The following TCF24 variants were observed in gnomAD, a reference collection of about 807,000 sequenced individuals.
TCF24 encodes the protein transcription factor 24.
A neutral mutation model predicts 9.3 loss-of-function variants in TCF24; 5 were observed. The observed-to-expected ratio is 0.54, with a 90% confidence interval of 0.28 to 1.13. TCF24 has a LOEUF of 1.13. TCF24 is among the 50% of genes most tolerant of loss of function. The probability of loss-of-function intolerance (pLI) is 0.09; values close to 1 mark genes in which losing one functional copy is unlikely to be tolerated. For synonymous variants in TCF24, 110 were observed against 115.8 expected (o/e 0.95, Z 0.32); for missense variants, 220 against 236.1 (o/e 0.93, Z 0.45).
At chr8:66,960,440 G>A (rs926573531) in intron 3 of TCF24, among the ~76,000 whole-genome samples, 6 of 151,928 alleles carry the variant, frequency 3.9e-5, no homozygotes, top group Non-Finnish European at 8.8e-5. Flanking sequence ...GTGTGTGTGC[G>A]CGCGTGTGGC....
intron 3 of TCF24, among the ~76,000 whole-genome samples, 176 bp downstream of exon 3, chr8:66,961,200 G>T (rs1814245669): frequency 6.6e-6 from 1 of 152,214 alleles, no homozygotes; most frequent in African/African-American, 2.4e-5. Context: ...GAAGGAGCCG[G>T]CTTTCGCGGC....
Position 66,961,379 on chromosome 8 carries a change from G to T in TCF24, c.387C>A (p.Val129=). The change falls in exon 3 of 4, where the codon GTC becomes GTA. Residue 129 remains valine (V), a synonymous_variant. Coordinates refer to ENST00000563496, the MANE Select transcript of TCF24 (RefSeq NM_001193502.2). ...GCGGTGCGCCCCGCCCGCTTACCTT[G>T]ACCGGGTGCAGGTAGCCATCGCCGC... is the stretch of plus-strand genomic sequence containing the variant. ...ALRGDGYLHP[V]KKWPMRSRLY... is the part of the protein sequence containing the mutation. The T allele has an allele frequency of 6.7e-7, 1 of 1,489,920 alleles. No individual in the cohort carries two copies. The highest frequency in any genetic ancestry group is 1.4e-5 in the African/African-American group (1 of 69,516). 92.3% of individuals were successfully genotyped at this position (1,489,920 alleles called of 1,614,324 possible).
Position 66,961,554 on chromosome 8 carries a change from T to C in TCF24, c.212A>G (p.Glu71Gly), listed in dbSNP as rs1439067798. Residue 71 changes from glutamate to glycine, a missense_variant, in exon 3 of 4, where the codon GAG becomes GGG. Transcript: ENST00000563496. ...CACGGACGGCAGCGTGCGCTGCAGCTCCAGGAAAGCGTGCCGCAGGGTCTG... is the reference window on the plus strand; with the variant it reads ...CACGGACGGCAGCGTGCGCTGCAGCCCCAGGAAAGCGTGCCGCAGGGTCTG... ...RVQTLRHAFL[E>G]LQRTLPSVPP... 6.7e-7 allele frequency: 1 copy of C among 1,499,874 alleles called. No homozygotes were observed. Among genetic ancestry groups the C allele is most frequent in the African/African-American group, 1.4e-5 (1 of 68,992 alleles). The allele number at this position is 1,499,874 out of a possible 1,614,324, so 92.9% of individuals were successfully genotyped here. A position where few individuals can be genotyped will look rare whatever the true frequency, so the allele number is the denominator to read the frequency against.
chr8:66,957,397 A>G (rs1295238770), intron 3 of TCF24, among the ~76,000 whole-genome samples: 1 of 142,486 alleles, frequency 7.0e-6, no homozygotes, highest in Admixed American at 7.4e-5. Flanking sequence ...AGCTTAGGCA[A>G]TAAGAGTGAA....
At chr8:66,955,250 GA>G (rs937808114) in intron 3 of TCF24, 8 of 151,996 alleles carry the variant, frequency 5.3e-5, no homozygotes, top group Non-Finnish European at 5.9e-5. Flanking sequence ...ACATAATGAT[GA>G]AAAAACATAT....
chr8:66,960,418 T>TTGTGTG (rs147053540), intron 3 of TCF24, among the ~76,000 whole-genome samples: 10 of 149,486 alleles, frequency 6.7e-5, no homozygotes, highest in African/African-American at 2.2e-4. Context: ...AACTTTGCAT[T>TTGTGTG]TGTGTGTGTG....
At chr8:66,948,654 A>AT (rs1814000876) in intron 3 of TCF24, among the ~76,000 whole-genome samples, 17 of 146,648 alleles carry the variant, frequency 1.2e-4, no homozygotes, top group African/African-American at 4.1e-4. Context: ...AAAAGTGTCA[A>AT]CTATCTATCT....
rs562482524 is a variant in TCF24, at chr8:66,961,989, TAGA to T, written c.-134-5_-134-3del. 84 of 200,150 alleles carry T rather than the reference TAGA, an allele frequency of 4.2e-4. 1 individual carries two copies. In the East Asian group the frequency reaches 0.01, roughly 24 times the overall value. 12.4% of individuals were successfully genotyped at this position (200,150 alleles called of 1,614,324 possible). A position where few individuals can be genotyped will look rare whatever the true frequency, so the allele number is the denominator to read the frequency against. Reference sequence around the variant, plus strand: ...GGAACTCCGGAGTTCTTGGGCTTCCTAGAAGGATAAGAAGAGGCGCAGTGCCGG... The same window carrying T: ...GGAACTCCGGAGTTCTTGGGCTTCCTAGGATAAGAAGAGGCGCAGTGCCGG... On this transcript the variant is annotated splice_polypyrimidine_tract_variant and splice_region_variant and intron_variant, in intron 1 of 3. Transcript: ENST00000563496.
At position 66,961,474 on chromosome 8, in the gene TCF24, T is replaced by C; in HGVS notation, c.292A>G (p.Ile98Val). The change falls in exon 3 of 4, where the codon ATC (isoleucine) becomes GTC (valine). Residue 98 changes from isoleucine (I) to valine (V), a missense_variant. Transcript: ENST00000563496. ...TGCAGGCTGCGGGTGAGATGCGCGA[T>C]GTAGGTGGTGGCCAGCAGCAGCACG... is the stretch of plus-strand genomic sequence containing the variant. ...LDVLLLATTYIAHLTRSLQDD... is the reference protein window; with the variant it reads ...LDVLLLATTYVAHLTRSLQDD... The C allele has an allele frequency of 1.3e-6, 2 of 1,527,896 alleles. No individual in the cohort carries two copies. The highest frequency in any genetic ancestry group is 1.2e-5 in the South Asian group (1 of 83,054). The allele number at this position is 1,527,896 out of a possible 1,614,324, so 94.6% of individuals were successfully genotyped here.
intron 3 of TCF24, among the ~76,000 whole-genome samples, chr8:66,952,550 G>A (rs1371104840): frequency 2.0e-5 from 3 of 151,584 alleles, no homozygotes; most frequent in Non-Finnish European, 4.4e-5. Flanking sequence ...GTGGTGTGGT[G>A]CTGAAAAAAA....
At position 66,961,519 on chromosome 8, in the gene TCF24, T is replaced by G. The variant is rs1157249986; in HGVS notation, c.247A>C (p.Thr83Pro). 6 of 1,516,888 alleles carry G rather than the reference T, an allele frequency of 4.0e-6. No homozygotes were observed. The highest frequency in any genetic ancestry group is 5.3e-6 in the Non-Finnish European group (6 of 1,139,440). 94.0% of individuals were successfully genotyped at this position (1,516,888 alleles called of 1,614,324 possible). A position where few individuals can be genotyped will look rare whatever the true frequency, so the allele number is the denominator to read the frequency against. The stretch of plus-strand genomic sequence containing the variant: ...AGCACGTCCAGCTTGGACAGCTTGG[T>G]GTCGGGCGGCACGGACGGCAGCGTG... ...QRTLPSVPPD[T>P]KLSKLDVLLL... The change falls in exon 3 of 4, where the codon ACC becomes CCC. Residue 83 changes from threonine to proline, a missense_variant. Thr to Pro is a conservative substitution (Grantham distance 38, BLOSUM62 -1). Coordinates refer to ENST00000563496, the MANE Select transcript of TCF24 (RefSeq NM_001193502.2).
At chr8:66,961,058 G>T (rs1814243308) in intron 3 of TCF24, among the ~76,000 whole-genome samples, 1 of 152,144 alleles carries the variant, frequency 6.6e-6, no homozygotes, top group African/African-American at 2.4e-5. Flanking sequence ...ACATTATCAG[G>T]ATGTGCAACC....
Position 66,953,856 on chromosome 8 carries a change from T to C in TCF24, c.391-5692A>G, listed in dbSNP as rs1183394732. Among the ~76,000 whole-genome samples the C allele has an allele frequency of 8.5e-5, 13 of 152,106 alleles. No individual in the cohort carries two copies. The South Asian group carries it at 1.9e-3, about 22-fold the overall frequency. On this transcript the variant is annotated intron_variant, in intron 3 of 3. Transcript: ENST00000563496. ...TTCATTTCATTCATTTCATCTTCCA[T>C]TGCTGATACCCTTTCTTCCAGTTGA...
At chr8:66,954,421 G>A (rs9693152) in intron 3 of TCF24, among the ~76,000 whole-genome samples, 2,987 of 152,156 alleles carry the variant, frequency 0.02, 62 homozygotes, top group South Asian at 0.045. Context: ...TCAGGGGTCA[G>A]GGACCCACTT....
At chr8:66,961,855 CT>C (rs1814263237) in intron 2 of TCF24, 21 bp downstream of exon 2, 1 of 988,572 alleles carries the variant, frequency 1.0e-6, no homozygotes, top group Non-Finnish European at 1.2e-6. Flanking sequence ...GCGCAGCCCC[CT>C]GGTTCTCCCC....
intron 3 of TCF24, among the ~76,000 whole-genome samples, chr8:66,948,654 ACTATCTATCTATCTATCTAT>A (rs10524696): frequency 3.4e-4 from 50 of 146,648 alleles, no homozygotes; most frequent in African/African-American, 1.2e-3. Context: ...AAAAGTGTCA[ACTATCTATCTATCTATCTAT>A]CTATCTATCT....
At chr8:66,953,203 C>T (rs1814086314) in intron 3 of TCF24, among the ~76,000 whole-genome samples, 1 of 152,162 alleles carries the variant, frequency 6.6e-6, no homozygotes, top group African/African-American at 2.4e-5. Flanking sequence ...ATGATCTTTA[C>T]ATTTTGACAT....
rs1460193397 is a variant in TCF24, at chr8:66,961,666, G to A, written c.100C>T (p.Pro34Ser). 7.8e-5 allele frequency: 87 copies of A among 1,112,916 alleles called. 1 individual carries two copies. In the East Asian group the frequency reaches 4.4e-3, roughly 57 times the overall value. 68.9% of individuals were successfully genotyped at this position (1,112,916 alleles called of 1,614,324 possible). The change falls in exon 3 of 4, where the codon CCG becomes TCG. Residue 34 changes from proline to serine, a missense_variant. Transcript: ENST00000563496. ...CCGCCCCCAGGGCCCGCCGGCCCCG[G>A]CCCGGTCCGCCCGGGACGCGAGTCG... ...IRDSRPGRTG[P>S]GPAGPGGGSR...
rs1814255865 is a variant in TCF24, at chr8:66,961,600, CCGCATT to C, written c.160_165del (p.Asn54_Ala55del). ...GTCTGCACCCGGCTGCGCTCCCGCGCCGCATTCGCCGCCGCCGGCCGCCCGCTCCCG... is the reference window on the plus strand; with the variant it reads ...GTCTGCACCCGGCTGCGCTCCCGCGCCGCCGCCGCCGGCCGCCCGCTCCCG... On this transcript the variant is annotated inframe_deletion, in exon 3 of 4. Coordinates refer to ENST00000563496, the MANE Select transcript of TCF24 (RefSeq NM_001193502.2). 3.1e-6 allele frequency: 4 copies of C among 1,310,510 alleles called. No individual in the cohort carries two copies. The highest frequency in any genetic ancestry group is 3.9e-6 in the Non-Finnish European group (4 of 1,031,658). The allele number at this position is 1,310,510 out of a possible 1,614,324, so 81.2% of individuals were successfully genotyped here.
Sources: allele counts gnomAD v4.1 joint callset (sites outside exome capture counted in the v4.1 genomes callset), GRCh38; gene constraint gnomAD v4.1.1; transcripts MANE v1.5; gene names NCBI Gene and HGNC (gene_info 2026-07-23, HGNC 2026-07-21).